FOXK1: variants seen among roughly 807,000 people sequenced by gnomAD.
FOXK1 encodes the protein forkhead box K1, also known as forkhead box protein K1.
Under a neutral mutation model 51.9 loss-of-function variants are expected in FOXK1, and 19 were observed. That is an observed-to-expected ratio of 0.37 (90% CI 0.26 to 0.54). The LOEUF (loss-of-function observed/expected upper bound fraction) is 0.54. Ranked by LOEUF, FOXK1 falls within the 20% of genes least tolerant of loss-of-function variation. The pLI, the probability that FOXK1 is intolerant of heterozygous loss-of-function variation, is 0.87. For missense variants in FOXK1, 870 were observed against 1,032.7 expected, an observed-to-expected ratio of 0.84 and a Z score of 2.16; for synonymous variants, 537 against 482.6, an observed-to-expected ratio of 1.11 and a Z score of -1.48.
chr7:4,689,632 T>G (rs1240280448), intron 1 of FOXK1, among the ~76,000 whole-genome samples: 2 of 152,234 alleles, frequency 1.3e-5, no homozygotes, highest in Non-Finnish European at 2.9e-5. Context: ...TTCTCATGGC[T>G]ATTTCCAACT....
intron 2 of FOXK1, among the ~76,000 whole-genome samples, chr7:4,742,717 C>A (rs1016954730): frequency 6.6e-6 from 1 of 152,188 alleles, no homozygotes; most frequent in African/African-American, 2.4e-5. Flanking sequence ...ACACCCAGCC[C>A]GTACATGGCC....
rs534515942 is a variant in FOXK1, at chr7:4,762,409, C to T, written c.2147C>T (p.Thr716Ile). 2 of 1,550,120 alleles carry T rather than the reference C, an allele frequency of 1.3e-6. No homozygotes were observed. Among genetic ancestry groups the T allele is most frequent in the Admixed American group, 3.9e-5 (2 of 51,244 alleles). The change falls in exon 9 of 9, where the codon ACA (threonine) becomes ATA (isoleucine). Residue 716 changes from threonine (T) to isoleucine (I), a missense_variant. Transcript: ENST00000328914. This position sits in a 1 kb window ranked among gnomAD's most constrained non-coding sequence, Gnocchi z 5.7. ...GAGGAGCCCAGTGGTGCTGTAACCA[C>T]ACCGGCTGGAGTGATCGCAGCTGCC... ...RVEEPSGAVT[T>I]PAGVIAAAGP...
rs1402173577 is a variant in FOXK1 at position 4,729,590 on chromosome 7, A to G, written c.561-11248A>G. Among the ~76,000 whole-genome samples the G allele has an allele frequency of 3.9e-5, 6 of 152,190 alleles. No homozygotes were observed. The highest frequency in any genetic ancestry group is 1.2e-4 in the African/African-American group (5 of 41,456). ...TGAGCCCCAGGGAGGGTCGGTGGCC[A>G]TGGCTGTGCTTGGCCGCCTCTGTGG... On this transcript the variant is annotated intron_variant, in intron 1 of 8. Coordinates refer to ENST00000328914, the MANE Select transcript of FOXK1 (RefSeq NM_001037165.2). The surrounding 1 kb of genome is among the most constrained non-coding windows in gnomAD (Gnocchi z 6.2).
chr7:4,700,919 G>C (rs1780013210), intron 1 of FOXK1, among the ~76,000 whole-genome samples: 2 of 152,216 alleles, frequency 1.3e-5, no homozygotes, highest in African/African-American at 4.8e-5. Context: ...CATCGCTGCT[G>C]TTACTGTCAA....
intron 1 of FOXK1, among the ~76,000 whole-genome samples, chr7:4,728,170 G>A (rs1780405019): frequency 6.6e-6 from 1 of 152,192 alleles, no homozygotes; most frequent in African/African-American, 2.4e-5. Context: ...GCCTCCAGTG[G>A]AGATGTGACA....
chr7:4,744,967 T>C (rs1046690660), intron 2 of FOXK1, among the ~76,000 whole-genome samples: 1 of 152,198 alleles, frequency 6.6e-6, no homozygotes, highest in Admixed American at 6.5e-5. Context: ...TTCAATTGAG[T>C]GTTTAGAAAC....
intron 1 of FOXK1, among the ~76,000 whole-genome samples, chr7:4,740,625 T>C (rs1364785218): frequency 6.6e-6 from 1 of 151,606 alleles, no homozygotes; most frequent in Admixed American, 6.6e-5. Flanking sequence ...TAAAATAAAA[T>C]AAAATAAAGA....
At chr7:4,689,745 G>T (rs1399247960) in intron 1 of FOXK1, among the ~76,000 whole-genome samples, 1 of 152,170 alleles carries the variant, frequency 6.6e-6, no homozygotes, top group Non-Finnish European at 1.5e-5. Flanking sequence ...GAAATTAATG[G>T]GAAAAGTGCC....
At position 4,756,708 on chromosome 7, in the gene FOXK1, T is replaced by C; in HGVS notation, c.1051-286T>C. 6.7e-6 allele frequency among the ~76,000 whole-genome samples: 1 copy of C among 150,028 alleles called. No homozygotes were observed. Among genetic ancestry groups the C allele is most frequent in the Non-Finnish European group, 1.5e-5 (1 of 67,714 alleles). ...TGAACCCGGGAGGCGGAACTTGCAG[T>C]GAGCCGAGATCGTGCCACTGCACTC... On this transcript the variant is annotated intron_variant, in intron 4 of 8. Transcript: ENST00000328914. This position sits in a 1 kb window ranked among gnomAD's most constrained non-coding sequence, Gnocchi z 4.1.
Position 4,683,586 on chromosome 7 carries a change from C to A in FOXK1, c.560+718C>A, listed in dbSNP as rs1273801325. 4.0e-5 allele frequency among the ~76,000 whole-genome samples: 6 copies of A among 151,834 alleles called. No homozygotes were observed. The highest frequency in any genetic ancestry group is 3.9e-4 in the Admixed American group (6 of 15,276). ...TCAACCCTTCCAGGTCACCCTGGAC[C>A]CCCACCAGCTTGGACTCCAGGGTCA... On this transcript the variant is annotated intron_variant, in intron 1 of 8. Transcript: ENST00000328914. The surrounding 1 kb of genome is among the most constrained non-coding windows in gnomAD (Gnocchi z 4.5).
At chr7:4,705,992 ACG>A (rs1491118902) in intron 1 of FOXK1, among the ~76,000 whole-genome samples, 3,480 of 102,662 alleles carry the variant, frequency 0.034, 416 homozygotes, top group African/African-American at 0.18. Context: ...ACGTATATAT[ACG>A]TATATATACG....
chr7:4,701,747 G>C (rs1042498788), intron 1 of FOXK1, among the ~76,000 whole-genome samples: 1 of 152,206 alleles, frequency 6.6e-6, no homozygotes, highest in South Asian at 2.1e-4. Context: ...CAAAAAATTA[G>C]CCAGGCATGG....
Position 4,682,755 on chromosome 7 carries a change from G to A in FOXK1, c.447G>A (p.Leu149=), listed in dbSNP as rs770916356. The change falls in exon 1 of 9, where the codon CTG becomes CTA. Residue 149 remains leucine (L), a synonymous_variant. Transcript: ENST00000328914. The surrounding 1 kb of genome is among the most constrained non-coding windows in gnomAD (Gnocchi z 7.6). ...CCAGCTTCATCTCGCGGCGCCACCT[G>A]CAGCTCAGCTTCCAGGAGCCGCACT... is the stretch of plus-strand genomic sequence containing the variant. ...GLSSFISRRH[L]QLSFQEPHFY... 3.1e-6 allele frequency: 5 copies of A among 1,599,836 alleles called. No homozygotes were observed. The highest frequency in any genetic ancestry group is 3.4e-5 in the Admixed American group (2 of 59,504).
intron 1 of FOXK1, among the ~76,000 whole-genome samples, chr7:4,732,683 C>T (rs545879194): frequency 6.6e-6 from 1 of 152,306 alleles, no homozygotes; most frequent in Non-Finnish European, 1.5e-5. Context: ...GGTCTCACTT[C>T]GCAGAGGCAG....
intron 3 of FOXK1, 165 bp downstream of exon 3, chr7:4,754,780 C>A (rs1780821804): frequency 1.1e-6 from 1 of 904,816 alleles, no homozygotes; most frequent in Non-Finnish European, 1.6e-6. Context: ...TCGGCCCTTT[C>A]TCGTTTTCGT....
chr7:4,714,901 A>T (rs914955964), intron 1 of FOXK1, among the ~76,000 whole-genome samples: 1 of 152,076 alleles, frequency 6.6e-6, no homozygotes, highest in Non-Finnish European at 1.5e-5. Context: ...GATGAGCATC[A>T]TGCTTTTGTG....
In FOXK1 at chr7:4,748,764, G is replaced by T. The variant is rs754418157; in HGVS notation, c.747-5695G>T. Among the ~76,000 whole-genome samples, 4 of 152,192 alleles carry T rather than the reference G, an allele frequency of 2.6e-5. No homozygotes were observed. The highest frequency in any genetic ancestry group is 4.4e-5 in the Non-Finnish European group (3 of 68,034). ...AGGTCTCACTTTGTTGCCCAGGCTG[G>T]TACTTCTGGGCTCAAGCGAGCCTCC... is the stretch of plus-strand genomic sequence containing the variant. On this transcript the variant is annotated intron_variant, in intron 2 of 8. Transcript: ENST00000328914. The surrounding 1 kb of genome is among the most constrained non-coding windows in gnomAD (Gnocchi z 4.9).
intron 1 of FOXK1, among the ~76,000 whole-genome samples, chr7:4,714,706 G>A (rs1268323607): frequency 6.6e-6 from 1 of 152,216 alleles, no homozygotes; most frequent in Non-Finnish European, 1.5e-5. Flanking sequence ...TATTTTCTAA[G>A]TAGGCGTTAC....
At chr7:4,686,086 C>G (rs1162056902) in intron 1 of FOXK1, among the ~76,000 whole-genome samples, 1 of 152,132 alleles carries the variant, frequency 6.6e-6, no homozygotes, top group African/African-American at 2.4e-5. Flanking sequence ...AATTCATCAC[C>G]GAATGTCAGG....
Sources: allele counts gnomAD v4.1 joint callset (sites outside exome capture counted in the v4.1 genomes callset), GRCh38; gene constraint gnomAD v4.1.1; non-coding constraint Gnocchi (gnomAD v3.1); transcripts MANE v1.5; gene names NCBI Gene and HGNC (gene_info 2026-07-23, HGNC 2026-07-21).